Variants in TLL1 observed in about 807,000 individuals in gnomAD.
TLL1 encodes tolloid-like protein 1.
Under a neutral mutation model 128.2 loss-of-function variants are expected in TLL1, and 49 were observed. That is an observed-to-expected ratio of 0.38 (90% CI 0.30 to 0.48). The LOEUF is 0.48. Ranked by LOEUF, TLL1 falls within the 20% of genes least tolerant of loss-of-function variation. The pLI is 0.96. For synonymous variants in TLL1, 454 were observed against 418.8 expected (o/e 1.08, Z -1.03); for missense variants, 1,123 against 1,242.0 (o/e 0.90, Z 1.44).
Position 166,102,989 on chromosome 4 carries a change from G to C in TLL1, c.*2113G>C, listed in dbSNP as rs1489727455. The C allele has an allele frequency of 6.6e-6, 1 of 151,820 alleles. No homozygotes were observed. The highest frequency in any genetic ancestry group is 1.5e-5 in the Non-Finnish European group (1 of 67,854). The allele number at this position is 151,820 out of a possible 1,614,324, so 9.4% of individuals were successfully genotyped here. On this transcript the variant is annotated 3_prime_UTR_variant, in exon 21 of 21. Coordinates refer to ENST00000061240, the MANE Select transcript of TLL1 (RefSeq NM_012464.5). ...ATACTGTTCTATACTACTCCTACCC[G>C]TGTGCTAGGAATGTGCACTAGCTCT...
At chr4:166,094,469 CT>C (rs1741929701) in intron 19 of TLL1, among the ~76,000 whole-genome samples, 1 of 142,984 alleles carries the variant, frequency 7.0e-6, no homozygotes, top group African/African-American at 3.0e-5. Context: ...TTTTATTTCC[CT>C]GTTTCATTCA....
At chr4:165,962,322 T>A (rs1331481935) in intron 1 of TLL1, among the ~76,000 whole-genome samples, 1 of 152,054 alleles carries the variant, frequency 6.6e-6, no homozygotes, top group Non-Finnish European at 1.5e-5. Context: ...TATGAAAAAA[T>A]TCTCAACATC....
intron 18 of TLL1, among the ~76,000 whole-genome samples, chr4:166,089,304 A>G (rs1741658377): frequency 6.6e-6 from 1 of 152,166 alleles, no homozygotes. Flanking sequence ...TTAGGAGTGT[A>G]TATATGTACA....
At chr4:166,095,313 T>A (rs955600776) in intron 19 of TLL1, among the ~76,000 whole-genome samples, 2 of 152,068 alleles carry the variant, frequency 1.3e-5, no homozygotes, top group African/African-American at 2.4e-5. Context: ...TTTTTTCCTC[T>A]GATAGTTTGC....
intron 1 of TLL1, among the ~76,000 whole-genome samples, chr4:165,926,473 G>C (rs1733273981): frequency 6.6e-6 from 1 of 152,090 alleles, no homozygotes; most frequent in Non-Finnish European, 1.5e-5. Context: ...TTATCTTGTG[G>C]GGACAGGAAT....
chr4:166,101,269 C>T lies in TLL1; in HGVS notation c.*393C>T, dbSNP rs747994245. 17 of 279,154 alleles carry T rather than the reference C, an allele frequency of 6.1e-5. No homozygotes were observed. Among genetic ancestry groups the T allele is most frequent in the Admixed American group, 2.0e-4 (4 of 19,562 alleles). 17.3% of individuals were successfully genotyped at this position (279,154 alleles called of 1,614,324 possible). A position where few individuals can be genotyped will look rare whatever the true frequency, so the allele number is the denominator to read the frequency against. ...ATAAAATGATCTTGCAGGTCGTAAA[C>T]TGGAAAACAGTATTTTGGTTGTCTT... is the stretch of plus-strand genomic sequence containing the variant. On this transcript the variant is annotated 3_prime_UTR_variant, in exon 21 of 21. Coordinates refer to ENST00000061240, the MANE Select transcript of TLL1 (RefSeq NM_012464.5).
chr4:166,000,424 A>G (rs375773977), intron 5 of TLL1, among the ~76,000 whole-genome samples: 12 of 152,182 alleles, frequency 7.9e-5, no homozygotes, highest in East Asian at 7.7e-4. Flanking sequence ...ATACCTCTGA[A>G]TAAGGCAGTG....
chr4:165,957,513 T>C (rs578153606), intron 1 of TLL1, among the ~76,000 whole-genome samples: 40 of 152,036 alleles, frequency 2.6e-4, no homozygotes, highest in Admixed American at 6.6e-4. Flanking sequence ...TTTATTTACT[T>C]TTATTTTTCC....
At chr4:166,004,853 A>G (rs531060681) in intron 6 of TLL1, among the ~76,000 whole-genome samples, 1 of 152,138 alleles carries the variant, frequency 6.6e-6, no homozygotes, top group Admixed American at 6.6e-5. Flanking sequence ...GCTAGTGGGG[A>G]ATAATTAAAG....
At chr4:166,039,566 A>G in intron 10 of TLL1, 125 bp downstream of exon 10, 2 of 711,530 alleles carry the variant, frequency 2.8e-6, no homozygotes, top group Non-Finnish European at 4.9e-6. Context: ...TTTTTATGTT[A>G]GTTATACTTT....
chr4:165,923,421 CTTTTTT>C (rs758162016), intron 1 of TLL1, among the ~76,000 whole-genome samples: 50 of 70,846 alleles, frequency 7.1e-4, no homozygotes, highest in African/African-American at 2.0e-3. Flanking sequence ...ATAGGTATAC[CTTTTTT>C]TTTTTTTTTT....
chr4:165,959,863 G>A (rs572074431), intron 1 of TLL1, among the ~76,000 whole-genome samples: 1 of 152,230 alleles, frequency 6.6e-6, no homozygotes, highest in East Asian at 1.9e-4. Context: ...AAAGCTTATA[G>A]TACTAAACAC....
At chr4:166,017,229 G>C in intron 8 of TLL1, among the ~76,000 whole-genome samples, 1 of 152,118 alleles carries the variant, frequency 6.6e-6, no homozygotes, top group East Asian at 1.9e-4. Context: ...TTCGGATTAT[G>C]GCCTCCAGCT....
intron 1 of TLL1, among the ~76,000 whole-genome samples, chr4:165,888,554 A>ATT (rs35285663): frequency 1.4e-5 from 2 of 146,818 alleles, no homozygotes; most frequent in Non-Finnish European, 1.5e-5. Flanking sequence ...ACTGGAAAAT[A>ATT]TTTTTTTTTT....
intron 12 of TLL1, among the ~76,000 whole-genome samples, chr4:166,051,291 C>CTCCCTCCTTTCCTTCCTTCCTTCCT (rs1560836641): frequency 3.3e-5 from 4 of 120,822 alleles, no homozygotes; most frequent in Middle Eastern, 4.6e-3. Context: ...TCTTTCTTCC[C>CTCCCTCCTTTCCTTCCTTCCTTCCT]TCCCTCCTTT....
chr4:165,950,529 AT>A (rs1000207504), intron 1 of TLL1, among the ~76,000 whole-genome samples: 13 of 152,252 alleles, frequency 8.5e-5, no homozygotes, highest in Admixed American at 6.5e-5. Context: ...TTTGTAAAAA[AT>A]ATCTAAGTTA....
chr4:165,897,437 TGCATATA>T (rs1199316032), intron 1 of TLL1, among the ~76,000 whole-genome samples: 1 of 152,228 alleles, frequency 6.6e-6, no homozygotes, highest in Non-Finnish European at 1.5e-5. Flanking sequence ...TTCAGTTTTC[TGCATATA>T]GCTAGCCAGT....
At chr4:166,056,744 A>G (rs968587189) in intron 13 of TLL1, among the ~76,000 whole-genome samples, 1 of 152,134 alleles carries the variant, frequency 6.6e-6, no homozygotes, top group East Asian at 1.9e-4. Flanking sequence ...AATTCAGAAA[A>G]ACACACACTG....
chr4:165,923,064 CT>C (rs1733105260), intron 1 of TLL1, among the ~76,000 whole-genome samples: 1 of 152,190 alleles, frequency 6.6e-6, no homozygotes, highest in Non-Finnish European at 1.5e-5. Context: ...TTATAAACCA[CT>C]TTTCAGTTTG....
Sources: allele counts gnomAD v4.1 joint callset (sites outside exome capture counted in the v4.1 genomes callset), GRCh38; gene constraint gnomAD v4.1.1; transcripts MANE v1.5; gene names NCBI Gene and HGNC (gene_info 2026-07-23, HGNC 2026-07-21).